The following SYCE3 variants were observed in gnomAD, a reference collection of about 807,000 sequenced individuals.
SYCE3 encodes the protein synaptonemal complex central element protein 3, also known as testis highly expressed gene 2 protein.
A neutral mutation model predicts 8.1 loss-of-function variants in SYCE3; 3 were observed. That is an observed-to-expected ratio of 0.37 (90% CI 0.17 to 0.96). The LOEUF is 0.96. Among genes scored for constraint, SYCE3 ranks in the 40% least tolerant of loss-of-function variants. The pLI, the probability that SYCE3 is intolerant of heterozygous loss-of-function variation, is 0.41. For synonymous variants in SYCE3, 36 were observed against 38.7 expected (o/e 0.93, Z 0.26); for missense variants, 83 against 110.0 (o/e 0.75, Z 1.10).
intron 1 of SYCE3, among the ~76,000 whole-genome samples, chr22:50,560,034 AG>A (rs1717905327): frequency 1.3e-5 from 2 of 152,236 alleles, no homozygotes; most frequent in South Asian, 4.1e-4. Flanking sequence ...GGCTGGAACA[AG>A]AGCCCAATCG....
At chr22:50,560,580 T>A (rs1569034332) in intron 1 of SYCE3, among the ~76,000 whole-genome samples, 2 of 152,140 alleles carry the variant, frequency 1.3e-5, no homozygotes, top group Non-Finnish European at 2.9e-5. Flanking sequence ...AATTAATGGA[T>A]CATTAGACAA....
chr22:50,557,776 G>A (rs563772258), intron 1 of SYCE3, among the ~76,000 whole-genome samples: 1 of 152,192 alleles, frequency 6.6e-6, no homozygotes, highest in Non-Finnish European at 1.5e-5. Flanking sequence ...TCATGAAGGT[G>A]AAGGAATGAG....
intron 2 of SYCE3, among the ~76,000 whole-genome samples, chr22:50,554,765 C>T (rs1013148811): frequency 2.6e-4 from 39 of 150,062 alleles, no homozygotes; most frequent in East Asian, 2.0e-4. Context: ...GAGGCTGAGG[C>T]GGGCAGATCA....
At chr22:50,554,790 C>A (rs971553961) in intron 2 of SYCE3, among the ~76,000 whole-genome samples, 7 of 150,796 alleles carry the variant, frequency 4.6e-5, no homozygotes, top group Non-Finnish European at 1.0e-4. Context: ...GTCAGGAGAT[C>A]AAGACTATCC....
chr22:50,554,904 C>T (rs1209980052), intron 2 of SYCE3, among the ~76,000 whole-genome samples: 2 of 151,726 alleles, frequency 1.3e-5, no homozygotes, highest in African/African-American at 4.8e-5. Context: ...GGGCGGATCA[C>T]GAGGTCAGGA....
At chr22:50,561,230 G>T (rs1326966021) in intron 1 of SYCE3, among the ~76,000 whole-genome samples, 1 of 152,142 alleles carries the variant, frequency 6.6e-6, no homozygotes, top group Non-Finnish European at 1.5e-5. Flanking sequence ...TATAAGTGGG[G>T]CGTTGGGGTG....
chr22:50,553,770 A>G (rs1252523938), intron 2 of SYCE3, among the ~76,000 whole-genome samples: 1 of 152,088 alleles, frequency 6.6e-6, no homozygotes, highest in Non-Finnish European at 1.5e-5. Context: ...TTTATTAGAG[A>G]TGGAGTTTCA....
At chr22:50,556,520 A>G in intron 1 of SYCE3, 115 bp from the exon 2 acceptor site, 1 of 737,786 alleles carries the variant, frequency 1.4e-6, no homozygotes, top group Non-Finnish European at 2.3e-6. Context: ...TCTCAGATTC[A>G]GACAATACCA....
chr22:50,559,209 C>T (rs191025728), intron 1 of SYCE3, among the ~76,000 whole-genome samples: 2 of 152,250 alleles, frequency 1.3e-5, no homozygotes, highest in African/African-American at 4.8e-5. Flanking sequence ...TCACCACAAC[C>T]TCCGCCTCCC....
chr22:50,560,355 T>C (rs938503888), intron 1 of SYCE3, among the ~76,000 whole-genome samples: 3 of 151,968 alleles, frequency 2.0e-5, no homozygotes, highest in African/African-American at 7.3e-5. Context: ...GGTGTGGTGG[T>C]GCGCACCTCC....
At chr22:50,561,574 G>C (rs983160353) in intron 1 of SYCE3, among the ~76,000 whole-genome samples, 3 of 151,644 alleles carry the variant, frequency 2.0e-5, no homozygotes, top group African/African-American at 7.3e-5. Context: ...GGGAGTGTAG[G>C]GTCTGGCTTG....
intron 2 of SYCE3, among the ~76,000 whole-genome samples, chr22:50,555,863 G>T (rs964532404): frequency 6.7e-6 from 1 of 148,834 alleles, no homozygotes; most frequent in Non-Finnish European, 1.5e-5. Context: ...GCACCATCTC[G>T]GCTCACTGCA....
At chr22:50,553,535 C>A (rs1462287274) in intron 2 of SYCE3, among the ~76,000 whole-genome samples, 1 of 152,152 alleles carries the variant, frequency 6.6e-6, no homozygotes, top group African/African-American at 2.4e-5. Flanking sequence ...GGATCTGTTA[C>A]ACTGCAAATG....
At chr22:50,558,194 T>C (rs2069879234) in intron 1 of SYCE3, among the ~76,000 whole-genome samples, 1 of 152,006 alleles carries the variant, frequency 6.6e-6, no homozygotes, top group Non-Finnish European at 1.5e-5. Flanking sequence ...GAGGCCGAGG[T>C]GGGTGGATCA....
intron 1 of SYCE3, among the ~76,000 whole-genome samples, chr22:50,558,147 A>C (rs2069878517): frequency 6.6e-6 from 1 of 152,234 alleles, no homozygotes; most frequent in African/African-American, 2.4e-5. Flanking sequence ...ATCGTGGCCA[A>C]GCGCGGAGGC....
At chr22:50,561,669 G>A (rs73891281) in intron 1 of SYCE3, among the ~76,000 whole-genome samples, 15,852 of 151,898 alleles carry the variant, frequency 0.1, 1,106 homozygotes, top group African/African-American at 0.19. Flanking sequence ...TGCCTGGTAC[G>A]AAGAGTTTCT....
chr22:50,559,403 A>AG (rs1415779427), intron 1 of SYCE3, among the ~76,000 whole-genome samples: 2 of 152,198 alleles, frequency 1.3e-5, no homozygotes, highest in Non-Finnish European at 2.9e-5. Flanking sequence ...CTGGGATTAC[A>AG]GGTGTGAGCC....
intron 2 of SYCE3, among the ~76,000 whole-genome samples, chr22:50,552,165 A>G (rs1424222217): frequency 6.6e-6 from 1 of 152,214 alleles, no homozygotes; most frequent in Non-Finnish European, 1.5e-5. Context: ...CTGCATGACA[A>G]CCAACTGTAC....
intron 1 of SYCE3, among the ~76,000 whole-genome samples, chr22:50,560,179 A>C (rs1401012559): frequency 6.6e-6 from 1 of 152,154 alleles, no homozygotes; most frequent in Non-Finnish European, 1.5e-5. Flanking sequence ...GGGAGATATT[A>C]CACCAGTGTC....
Sources: gnomAD v4.1 joint callset for allele counts (sites outside exome capture counted in the v4.1 genomes callset) on GRCh38, gnomAD v4.1.1 for gene constraint, MANE v1.5 for transcripts, NCBI Gene and HGNC (gene_info 2026-07-23, HGNC 2026-07-21) for gene names.